SWI5: variants seen among roughly 807,000 people sequenced by gnomAD.
SWI5 encodes the protein DNA repair protein SWI5 homolog.
Under a neutral mutation model 17.0 loss-of-function variants are expected in SWI5, and 12 were observed. The observed-to-expected ratio is 0.71, with a 90% confidence interval of 0.45 to 1.14. The LOEUF is 1.14. Ranked by LOEUF, SWI5 falls within the 50% of genes most tolerant of loss-of-function variation. The probability of loss-of-function intolerance (pLI) is 0.00; values close to 1 mark genes in which losing one functional copy is unlikely to be tolerated. For synonymous variants in SWI5, 61 were observed against 64.0 expected, an observed-to-expected ratio of 0.95 and a Z score of 0.22; for missense variants, 158 against 162.2, an observed-to-expected ratio of 0.97 and a Z score of 0.14.
chr9:128,281,094 A>G (rs887751564), intron 2 of SWI5, among the ~76,000 whole-genome samples: 2 of 123,594 alleles, frequency 1.6e-5, no homozygotes, highest in African/African-American at 3.0e-5. Flanking sequence ...CTGGCGTGCA[A>G]TGGTGTGATG....
At chr9:128,275,396 C>A, upstream of SWI5, 1 of 1,288,608 alleles carries the variant, frequency 7.8e-7, no homozygotes, top group Non-Finnish European at 9.9e-7. Context: ...ACGTCCAAGT[C>A]GCCGCTCCGC....
chr9:128,276,118 G>T (rs375516072), upstream of SWI5: 21 of 1,568,066 alleles, frequency 1.3e-5, no homozygotes, highest in Non-Finnish European at 1.7e-5. Context: ...TGGTCAATGA[G>T]AAATATGAAG....
intron 1 of SWI5, 78 bp downstream of exon 1, chr9:128,276,480 A>G: frequency 6.3e-7 from 1 of 1,578,796 alleles, no homozygotes; most frequent in Non-Finnish European, 8.6e-7. Flanking sequence ...CCCAGAAATC[A>G]CCTCCAAAGA....
rs778986746 is a variant in SWI5, at chr9:128,288,606, C to G, written c.329-46C>G. On this transcript the variant is annotated intron_variant, in intron 4 of 4. Transcript: ENST00000418976. The stretch of plus-strand genomic sequence containing the variant: ...GCTCGGGGCATTGGCTGTACTCCCT[C>G]CCACCTCTCCCCACTGCACATTCAG... The G allele has an allele frequency of 2.5e-6, 4 of 1,607,930 alleles. No individual in the cohort carries two copies. The East Asian group carries it at 6.7e-5, about 27-fold the overall frequency.
chr9:128,288,582 C>T (rs1334738241), intron 4 of SWI5, 70 bp from the exon 5 acceptor site: 1 of 1,558,402 alleles, frequency 6.4e-7, no homozygotes, highest in Non-Finnish European at 8.8e-7. Context: ...GTGACACTGG[C>T]TCGGGGCATT....
chr9:128,277,743 C>G (rs1306631846), intron 2 of SWI5, among the ~76,000 whole-genome samples: 1 of 152,130 alleles, frequency 6.6e-6, no homozygotes, highest in Non-Finnish European at 1.5e-5. Flanking sequence ...AGAGGGCTCT[C>G]CAGAGATGGC....
intron 2 of SWI5, among the ~76,000 whole-genome samples, chr9:128,282,120 G>A (rs1328804427): frequency 6.6e-6 from 1 of 152,204 alleles, no homozygotes; most frequent in Non-Finnish European, 1.5e-5. Flanking sequence ...CGGGTGCGGT[G>A]GCTCACGCCT....
rs73672486 is a variant in SWI5 at position 128,276,364 on chromosome 9, C to A, written c.24C>A (p.Asn8Lys). 0.011 allele frequency: 18,328 copies of A among 1,613,108 alleles called. 1,721 individuals carry two copies. In the African/African-American group the frequency reaches 0.21, roughly 18 times the overall value. The change falls in exon 1 of 5, where the codon AAC becomes AAA. Residue 8 changes from asparagine (N) to lysine (K), a missense_variant. Asn to Lys is a moderately conservative substitution (Grantham distance 94). Transcript: ENST00000418976. ...CGCTGGACCCTCTTGCGCCATTGAA[C>A]CCCCTGATCCGGGGGCCTCGGACCC... is the stretch of plus-strand genomic sequence containing the variant.
exon 1 of SWI5, chr9:128,276,246 C>T (rs200455103): frequency 2.5e-6 from 4 of 1,612,608 alleles, no homozygotes; most frequent in South Asian, 2.2e-5. Context: ...GCCGGCTTTC[C>T]TTGGGTGCGC....
chr9:128,279,088 C>T (rs1435804311), intron 2 of SWI5, among the ~76,000 whole-genome samples: 3 of 152,182 alleles, frequency 2.0e-5, no homozygotes, highest in African/African-American at 7.2e-5. Context: ...AACTCTTAAG[C>T]GGTACCTTGG....
At chr9:128,280,059 T>A (rs952084372) in intron 2 of SWI5, among the ~76,000 whole-genome samples, 2 of 152,228 alleles carry the variant, frequency 1.3e-5, no homozygotes, top group African/African-American at 4.8e-5. Flanking sequence ...GATTGATAAT[T>A]GTCCATGATC....
intron 2 of SWI5, 26 bp from the exon 3 acceptor site, chr9:128,284,484 G>C (rs1422078530): frequency 1.2e-6 from 2 of 1,609,684 alleles, no homozygotes; most frequent in African/African-American, 2.7e-5. Flanking sequence ...TGGTCAGTCT[G>C]GCTGATGACT....
At chr9:128,275,638 G>A, upstream of SWI5, 1 of 686,472 alleles carries the variant, frequency 1.5e-6, no homozygotes. Context: ...TCGGGGGGCA[G>A]GAGGTGAGGG....
intron 2 of SWI5, among the ~76,000 whole-genome samples, chr9:128,277,948 CTTTTTTT>C (rs71381748): frequency 2.5e-5 from 2 of 80,862 alleles, no homozygotes; most frequent in South Asian, 4.5e-4. Context: ...CATTCCTTCT[CTTTTTTT>C]TTTTTTTTTT....
intron 2 of SWI5, among the ~76,000 whole-genome samples, chr9:128,279,261 A>G (rs767748004): frequency 3.3e-5 from 5 of 152,114 alleles, no homozygotes; most frequent in Non-Finnish European, 7.4e-5. Context: ...CGTTCTCCCC[A>G]TGTGCGGAGA....
rs544280290 is a variant in SWI5, at chr9:128,288,559, G to C, written c.329-93G>C. 5 of 1,358,662 alleles carry C rather than the reference G, an allele frequency of 3.7e-6. No homozygotes were observed. In the South Asian group the frequency reaches 6.1e-5, roughly 16 times the overall value. The allele number at this position is 1,358,662 out of a possible 1,614,324, so 84.2% of individuals were successfully genotyped here. A position where few individuals can be genotyped will look rare whatever the true frequency, so the allele number is the denominator to read the frequency against. ...GGCTTGAAGCCAGAGGTGGTCCTGG[G>C]TGGGTCAGGGCAGTGACACTGGCTC... On this transcript the variant is annotated intron_variant, in intron 4 of 4. Transcript: ENST00000418976.
At chr9:128,278,568 A>G (rs1368779573) in intron 2 of SWI5, 2 of 438,942 alleles carry the variant, frequency 4.6e-6, no homozygotes, top group Non-Finnish European at 9.2e-6. Flanking sequence ...CATCTCAAAA[A>G]AAAAAAAAAG....
rs974837421 is a variant in SWI5, at chr9:128,278,618, T to C, written c.111+1863T>C. ...CATTGTCCCATCAGCTTACTTTACA[T>C]GCATCATCTTTCCAGTTCCTTCCAG... On this transcript the variant is annotated intron_variant, in intron 2 of 4. Transcript: ENST00000418976. 26 of 470,878 alleles carry C rather than the reference T, an allele frequency of 5.5e-5. No individual in the cohort carries two copies. In the Admixed American group the frequency reaches 6.1e-4, roughly 11 times the overall value. The allele number at this position is 470,878 out of a possible 1,614,324, so 29.2% of individuals were successfully genotyped here. A position where few individuals can be genotyped will look rare whatever the true frequency, so the allele number is the denominator to read the frequency against.
intron 2 of SWI5, among the ~76,000 whole-genome samples, chr9:128,278,836 G>A (rs1030460746): frequency 7.9e-5 from 12 of 151,606 alleles, no homozygotes; most frequent in African/African-American, 2.7e-4. Context: ...GCAATGACAC[G>A]ATCTTGGCTC....
Sources: gnomAD v4.1 joint callset for allele counts (sites outside exome capture counted in the v4.1 genomes callset) on GRCh38, gnomAD v4.1.1 for gene constraint, MANE v1.5 for transcripts, NCBI Gene and HGNC (gene_info 2026-07-23, HGNC 2026-07-21) for gene names.